The following SH3D21 variants were observed in gnomAD, a reference collection of about 807,000 sequenced individuals.
SH3D21 encodes the protein SH3 domain-containing protein 21.
A neutral mutation model predicts 82.1 loss-of-function variants in SH3D21; 83 were observed. That is an observed-to-expected ratio of 1.01 (90% confidence interval 0.85 to 1.21). SH3D21 has a LOEUF of 1.21. SH3D21 is among the 50% of genes most tolerant of loss of function. The probability of loss-of-function intolerance (pLI) is 0.00; values close to 1 mark genes in which losing one functional copy is unlikely to be tolerated. For synonymous variants in SH3D21, 383 were observed against 387.8 expected (o/e 0.99, Z 0.15); for missense variants, 980 against 962.1 (o/e 1.02, Z -0.25).
At chr1:36,322,822 T>TG, downstream of SH3D21, 1 of 1,486,186 alleles carries the variant, frequency 6.7e-7, no homozygotes, top group Non-Finnish European at 9.2e-7. Context: ...GGGCGAGGCC[T>TG]GTAACCCCTA....
downstream of SH3D21, chr1:36,323,124 T>A (rs12724234): frequency 6.9e-7 from 1 of 1,439,924 alleles, no homozygotes; most frequent in Non-Finnish European, 9.4e-7. Context: ...CCCGACCCCT[T>A]CCGCGGGCAG....
At chr1:36,317,175 C>T (rs186261988) in intron 10 of SH3D21, among the ~76,000 whole-genome samples, 23 of 152,170 alleles carry the variant, frequency 1.5e-4, no homozygotes, top group Admixed American at 1.4e-3. Flanking sequence ...TTCTAAGCAC[C>T]TCGCATGTAT....
chr1:36,308,996 C>A (rs1243034836), intron 9 of SH3D21, among the ~76,000 whole-genome samples: 1 of 151,938 alleles, frequency 6.6e-6, no homozygotes, highest in Non-Finnish European at 1.5e-5. Context: ...GGACCCCAAC[C>A]TAAACACGAA....
chr1:36,309,897 G>A (rs957430784), intron 10 of SH3D21, among the ~76,000 whole-genome samples: 2 of 152,148 alleles, frequency 1.3e-5, no homozygotes, highest in African/African-American at 4.8e-5. Context: ...ATGTTCATGT[G>A]TCTTATGTGT....
chr1:36,322,825 A>G, downstream of SH3D21: 1 of 1,488,008 alleles, frequency 6.7e-7, no homozygotes, highest in Middle Eastern at 2.2e-4. Context: ...CGAGGCCTGT[A>G]ACCCCTACTC....
rs1557485839 is a variant in SH3D21 at position 36,320,415 on chromosome 1, G to A, written c.1752G>A (p.Glu584=). 3 of 1,613,340 alleles carry A rather than the reference G, an allele frequency of 1.9e-6. No individual in the cohort carries two copies. Among genetic ancestry groups the A allele is most frequent in the Non-Finnish European group, 8.5e-7 (1 of 1,179,794 alleles). ...TTGAGAAGCCCCACCCCCACGAAGA[G>A]GCTACAACCCTTCCAGAGGAGGCAC... ...PALEKPHPHE[E]ATTLPEEAPS... is the part of the protein sequence containing the mutation. Residue 584 remains glutamate, a synonymous_variant, in exon 14 of 16, where the codon GAG becomes GAA. Transcript: ENST00000453908.
At chr1:36,321,788 G>A (rs549418891), downstream of SH3D21, 6 of 1,002,656 alleles carry the variant, frequency 6.0e-6, no homozygotes, top group African/African-American at 6.9e-5. This position sits in a 1 kb window ranked among gnomAD's most constrained non-coding sequence, Gnocchi z 6.1. Flanking sequence ...GGTAAGGAAT[G>A]CGTTTTGAAT....
chr1:36,329,966 C>T (rs1646577035), downstream of SH3D21, among the ~76,000 whole-genome samples: 1 of 152,198 alleles, frequency 6.6e-6, no homozygotes, highest in African/African-American at 2.4e-5. Flanking sequence ...ACCCCCACTG[C>T]CGCCCTGCAC....
intron 14 of SH3D21, 32 bp from the exon 15 acceptor site, chr1:36,320,883 G>A (rs1416572595): frequency 6.4e-7 from 1 of 1,553,504 alleles, no homozygotes; most frequent in Non-Finnish European, 8.7e-7. Flanking sequence ...GCCCTCACCT[G>A]CCCAGCCCCT....
chr1:36,310,501 G>A (rs1049080863), intron 10 of SH3D21, among the ~76,000 whole-genome samples: 1 of 151,946 alleles, frequency 6.6e-6, no homozygotes, highest in African/African-American at 2.4e-5. Flanking sequence ...TGTAATCCCA[G>A]CTATTTGGGA....
chr1:36,308,882 C>T (rs1181532176), intron 9 of SH3D21, among the ~76,000 whole-genome samples: 1 of 150,926 alleles, frequency 6.6e-6, no homozygotes, highest in South Asian at 2.1e-4. Context: ...ACTCAGGAGG[C>T]GGAGGTTGCA....
At chr1:36,327,138 G>A (rs11263873), downstream of SH3D21, among the ~76,000 whole-genome samples, 199 of 152,290 alleles carry the variant, frequency 1.3e-3, no homozygotes, top group African/African-American at 4.7e-3. Context: ...CCAGAACAGG[G>A]ATGTGATCAG....
At position 36,307,070 on chromosome 1, in the gene SH3D21, C is replaced by T; in HGVS notation, c.227-97C>T. The T allele has an allele frequency of 6.6e-7, 1 of 1,517,816 alleles. No homozygotes were observed. Among genetic ancestry groups the T allele is most frequent in the Non-Finnish European group, 8.9e-7 (1 of 1,129,372 alleles). The allele number at this position is 1,517,816 out of a possible 1,614,324, so 94.0% of individuals were successfully genotyped here. A position where few individuals can be genotyped will look rare whatever the true frequency, so the allele number is the denominator to read the frequency against. On this transcript the variant is annotated intron_variant, in intron 3 of 15. Transcript: ENST00000453908. This position sits in a 1 kb window ranked among gnomAD's most constrained non-coding sequence, Gnocchi z 5.4. ...TGCAATGCTCCGCCCTGGGGCGGGG[C>T]TGGAGGGACCAAAGGCTACGTGCGC...
Position 36,320,957 on chromosome 1 carries a change from G to T in SH3D21, c.2178G>T (p.Lys726Asn). ...TCTGGGAGGAGCTGAAGAGCGAGAAGGAGCAGCGCCGGCGGCTGGAGGTGA... is the reference window on the plus strand; with the variant it reads ...TCTGGGAGGAGCTGAAGAGCGAGAATGAGCAGCGCCGGCGGCTGGAGGTGA... The part of the protein sequence containing the change: ...TDIWEELKSE[K>N]EQRRRLEVQV... Residue 726 changes from lysine (K) to asparagine (N), a missense_variant, in exon 15 of 16, where the codon AAG becomes AAT. Coordinates refer to ENST00000453908, the MANE Select transcript of SH3D21 (RefSeq NM_001162530.2). 6.4e-7 allele frequency: 1 copy of T among 1,571,240 alleles called. No individual in the cohort carries two copies. Among genetic ancestry groups the T allele is most frequent in the South Asian group, 1.2e-5 (1 of 86,128 alleles).
At position 36,307,017 on chromosome 1, in the gene SH3D21, G is replaced by T; in HGVS notation, c.226+112G>T. On this transcript the variant is annotated intron_variant, in intron 3 of 15. Coordinates refer to ENST00000453908, the MANE Select transcript of SH3D21 (RefSeq NM_001162530.2). This position sits in a 1 kb window ranked among gnomAD's most constrained non-coding sequence, Gnocchi z 5.4. Reference sequence around the variant, plus strand: ...CGGCTCTGGGCGGGACCTCGGGGCCGCCCTGCGGTCTGTGATTGGTTCTCG... The same window carrying T: ...CGGCTCTGGGCGGGACCTCGGGGCCTCCCTGCGGTCTGTGATTGGTTCTCG... The T allele has an allele frequency of 7.0e-6, 10 of 1,426,740 alleles. No homozygotes were observed. The South Asian group carries it at 1.0e-4, about 15-fold the overall frequency. 88.4% of individuals were successfully genotyped at this position (1,426,740 alleles called of 1,614,324 possible).
chr1:36,325,899 G>C (rs938672589), downstream of SH3D21, among the ~76,000 whole-genome samples: 4 of 152,196 alleles, frequency 2.6e-5, no homozygotes, highest in Non-Finnish European at 4.4e-5. Context: ...ACAAATCCTT[G>C]CCCTCATGGA....
intron 13 of SH3D21, 29 bp from the exon 14 acceptor site, chr1:36,319,646 A>T (rs1252084259): frequency 6.4e-7 from 1 of 1,556,810 alleles, no homozygotes; most frequent in Non-Finnish European, 8.7e-7. Flanking sequence ...ACTCAACCTC[A>T]GCTGAGACTT....
In SH3D21 at chr1:36,307,717, C is replaced by G. The variant is rs964657127; in HGVS notation, c.437-53C>G. Reference sequence around the variant, plus strand: ...CCCTGTGACCCCTCTGACCCTCTCCCATGACCTAACCTGTGAATTAGCACC... The same window carrying G: ...CCCTGTGACCCCTCTGACCCTCTCCGATGACCTAACCTGTGAATTAGCACC... On this transcript the variant is annotated intron_variant, in intron 5 of 15. Transcript: ENST00000453908. The surrounding 1 kb of genome is among the most constrained non-coding windows in gnomAD (Gnocchi z 5.4). The G allele has an allele frequency of 6.5e-7, 1 of 1,544,436 alleles. No homozygotes were observed. Among genetic ancestry groups the G allele is most frequent in the Non-Finnish European group, 8.8e-7 (1 of 1,142,222 alleles).
intron 10 of SH3D21, among the ~76,000 whole-genome samples, chr1:36,312,400 A>G (rs549181097): frequency 7.9e-5 from 12 of 152,346 alleles, no homozygotes; most frequent in African/African-American, 2.9e-4. Context: ...CTTTTAAAAA[A>G]TAGACATTCT....
Sources: gnomAD v4.1 joint callset for allele counts (sites outside exome capture counted in the v4.1 genomes callset) on GRCh38, gnomAD v4.1.1 for gene constraint, Gnocchi (gnomAD v3.1) non-coding constraint, MANE v1.5 for transcripts, NCBI Gene and HGNC (gene_info 2026-07-23, HGNC 2026-07-21) for gene names.